ACER2: variants seen among roughly 807,000 people sequenced by gnomAD.
ACER2 encodes alkCDase 2.
ACER2 carries 26 observed loss-of-function variants against 34.7 expected under a neutral mutation model. The ratio of observed to expected loss-of-function variants is 0.75; its 90% confidence interval spans 0.55 to 1.04. The LOEUF (loss-of-function observed/expected upper bound fraction) is 1.04. Ranked by LOEUF, ACER2 falls within the 50% of genes least tolerant of loss-of-function variation. The pLI is 0.00. For synonymous variants in ACER2, 138 were observed against 132.1 expected (o/e 1.04, Z -0.31); for missense variants, 352 against 340.8 (o/e 1.03, Z -0.26).
At chr9:19,437,804 C>T (rs1426933997) in intron 4 of ACER2, among the ~76,000 whole-genome samples, 1 of 152,118 alleles carries the variant, frequency 6.6e-6, no homozygotes, top group African/African-American at 2.4e-5. Context: ...CTTTCTTAAC[C>T]CCTTCTTATC....
chr9:19,419,448 G>A (rs7046518), intron 1 of ACER2, among the ~76,000 whole-genome samples: 48,774 of 151,998 alleles, frequency 0.32, 10,429 homozygotes, highest in African/African-American at 0.62. Flanking sequence ...TATGTGGGAA[G>A]GAGAGAAAGA....
At position 19,433,773 on chromosome 9, in the gene ACER2, C is replaced by T. The variant is rs541194117; in HGVS notation, c.366-1174C>T. On this transcript the variant is annotated intron_variant, in intron 3 of 5. Coordinates refer to ENST00000340967, the MANE Select transcript of ACER2 (RefSeq NM_001010887.3). ...TCACCTCCCGGATGGGGCGGCTGGCCGGGCGGGGGGCTGACCCCCCCACCT... is the reference window on the plus strand; with the variant it reads ...TCACCTCCCGGATGGGGCGGCTGGCTGGGCGGGGGGCTGACCCCCCCACCT... 8.5e-4 allele frequency among the ~76,000 whole-genome samples: 127 copies of T among 150,226 alleles called. 1 individual carries two copies. The highest frequency in any genetic ancestry group is 3.7e-3 in the Middle Eastern group (1 of 272).
chr9:19,417,809 A>G (rs886934118), intron 1 of ACER2, among the ~76,000 whole-genome samples: 1 of 152,254 alleles, frequency 6.6e-6, no homozygotes, highest in African/African-American at 2.4e-5. Context: ...CAAAGACTTC[A>G]TGACTAAAAC....
chr9:19,420,678 T>C (rs1289620074), intron 1 of ACER2, among the ~76,000 whole-genome samples: 2 of 152,204 alleles, frequency 1.3e-5, no homozygotes, highest in Non-Finnish European at 2.9e-5. Flanking sequence ...CATGCTGCTA[T>C]AACAAAAGAT....
chr9:19,443,987 T>G (rs1176006428), intron 4 of ACER2, among the ~76,000 whole-genome samples: 2 of 151,910 alleles, frequency 1.3e-5, no homozygotes, highest in African/African-American at 4.8e-5. Flanking sequence ...ACACAGATAA[T>G]AAATTCATAG....
chr9:19,421,627 A>G (rs1233890076), intron 1 of ACER2, among the ~76,000 whole-genome samples: 1 of 152,190 alleles, frequency 6.6e-6, no homozygotes, highest in Non-Finnish European at 1.5e-5. Flanking sequence ...CTTAATGAGA[A>G]TAGTGTTTCT....
intron 1 of ACER2, among the ~76,000 whole-genome samples, chr9:19,412,588 A>G (rs7046650): frequency 0.16 from 24,156 of 150,984 alleles, 1,997 homozygotes; most frequent in South Asian, 0.24. Flanking sequence ...CTGGGAGGTG[A>G]AGGTTGCAGT....
chr9:19,433,173 T>TTTTA (rs1554653471), intron 3 of ACER2, among the ~76,000 whole-genome samples: 2 of 81,938 alleles, frequency 2.4e-5, no homozygotes, highest in African/African-American at 4.0e-5. Flanking sequence ...TTTTTTTTTT[T>TTTTA]ATTGATCATT....
intron 3 of ACER2, among the ~76,000 whole-genome samples, chr9:19,425,499 C>A (rs999829929): frequency 2.0e-5 from 3 of 152,222 alleles, no homozygotes; most frequent in Non-Finnish European, 4.4e-5. Flanking sequence ...TTGCTAGGCA[C>A]TGGAATATCA....
chr9:19,427,064 C>G (rs576666224), intron 3 of ACER2, among the ~76,000 whole-genome samples: 2 of 152,296 alleles, frequency 1.3e-5, no homozygotes, highest in Admixed American at 6.5e-5. Flanking sequence ...TGGAAGCAAT[C>G]TGGGTTTGAA....
chr9:19,436,592 G>A (rs369352774), intron 4 of ACER2, among the ~76,000 whole-genome samples: 36 of 151,024 alleles, frequency 2.4e-4, no homozygotes, highest in African/African-American at 4.6e-4. Flanking sequence ...GCTCATTCTC[G>A]TATGAGTTAA....
At chr9:19,428,780 T>G (rs1315661647) in intron 3 of ACER2, among the ~76,000 whole-genome samples, 5 of 82,094 alleles carry the variant, frequency 6.1e-5, no homozygotes, top group Admixed American at 1.1e-4. Context: ...AAGTGGGTTT[T>G]TTTTTTTTTT....
At chr9:19,427,842 A>G (rs960593875) in intron 3 of ACER2, among the ~76,000 whole-genome samples, 5 of 150,840 alleles carry the variant, frequency 3.3e-5, no homozygotes, top group East Asian at 4.0e-4. Flanking sequence ...AATTTTTTGT[A>G]TTTTTAGTAG....
intron 3 of ACER2, 138 bp from the exon 4 acceptor site, chr9:19,434,809 T>G: frequency 8.8e-7 from 1 of 1,142,088 alleles, no homozygotes; most frequent in Non-Finnish European, 1.3e-6. Context: ...CGTGAGTGGC[T>G]TTTTGAACCT....
chr9:19,433,929 G>T (rs1045317313), intron 3 of ACER2, among the ~76,000 whole-genome samples: 7 of 151,960 alleles, frequency 4.6e-5, no homozygotes, highest in Admixed American at 6.5e-5. Context: ...CTCCAGGACG[G>T]GGCGGCTGGC....
chr9:19,419,202 C>T (rs1830329257), intron 1 of ACER2, among the ~76,000 whole-genome samples: 1 of 152,110 alleles, frequency 6.6e-6, no homozygotes, highest in African/African-American at 2.4e-5. Context: ...AAAAACAAAA[C>T]AAAACAAAAC....
chr9:19,435,881 C>G (rs1236528950), intron 4 of ACER2, among the ~76,000 whole-genome samples: 1 of 151,024 alleles, frequency 6.6e-6, no homozygotes, highest in African/African-American at 2.4e-5. Context: ...AACCCCGTCT[C>G]TACTAAAAAT....
chr9:19,418,993 C>T (rs1409979120), intron 1 of ACER2, among the ~76,000 whole-genome samples: 2 of 152,084 alleles, frequency 1.3e-5, no homozygotes, highest in Non-Finnish European at 2.9e-5. Flanking sequence ...TCCAGACCAG[C>T]CTGACCAACA....
intron 3 of ACER2, among the ~76,000 whole-genome samples, chr9:19,434,400 A>T (rs1406670889): frequency 1.3e-5 from 2 of 152,202 alleles, no homozygotes; most frequent in Non-Finnish European, 2.9e-5. Flanking sequence ...CAATCTCGGC[A>T]CTTTGGGAGG....
Sources: allele counts gnomAD v4.1 joint callset (sites outside exome capture counted in the v4.1 genomes callset), GRCh38; gene constraint gnomAD v4.1.1; transcripts MANE v1.5; gene names NCBI Gene and HGNC (gene_info 2026-07-23, HGNC 2026-07-21).